The following AGPAT3 variants were observed in gnomAD, a reference collection of about 807,000 sequenced individuals.
AGPAT3 encodes 1-acyl-sn-glycerol-3-phosphate acyltransferase gamma.
In AGPAT3, 5 loss-of-function variants were observed where a neutral mutation model predicts 47.3. The ratio of observed to expected loss-of-function variants is 0.11; its 90% CI spans 0.06 to 0.22. The LOEUF is 0.22. AGPAT3 is among the 10% of genes least tolerant of loss of function. AGPAT3 has a pLI of 1.00. For synonymous variants in AGPAT3, 212 were observed against 208.3 expected (o/e 1.02, Z -0.15); for missense variants, 315 against 493.0 (o/e 0.64, Z 3.42).
intron 2 of AGPAT3, among the ~76,000 whole-genome samples, chr21:43,958,048 C>T (rs1288796865): frequency 2.6e-5 from 4 of 152,234 alleles, no homozygotes; most frequent in Admixed American, 6.5e-5. Context: ...CATTGATTCC[C>T]ACACTGAGGG....
At chr21:43,905,628 CA>C (rs1293725858) in intron 2 of AGPAT3, among the ~76,000 whole-genome samples, 1 of 152,236 alleles carries the variant, frequency 6.6e-6, no homozygotes, top group Non-Finnish European at 1.5e-5. Flanking sequence ...TCTGGATTCA[CA>C]AAAGTTTACT....
In AGPAT3 at chr21:43,970,135, G is replaced by C. The variant is rs1353090096; in HGVS notation, c.511-518G>C. ...GCAGTTCTCCTCTCTCAGCCTCCAA[G>C]TTGCTGGGATTACAGGCACTCACCA... On this transcript the variant is annotated intron_variant, in intron 5 of 9. Transcript: ENST00000291572. This position sits in a 1 kb window ranked among gnomAD's most constrained non-coding sequence, Gnocchi z 5.8. 6.6e-6 allele frequency among the ~76,000 whole-genome samples: 1 copy of C among 151,250 alleles called. No homozygotes were observed. The highest frequency in any genetic ancestry group is 1.5e-5 in the Non-Finnish European group (1 of 67,924).
intron 4 of AGPAT3, 75 bp from the exon 5 acceptor site, chr21:43,969,043 A>T: frequency 1.3e-6 from 2 of 1,499,170 alleles, no homozygotes; most frequent in Non-Finnish European, 1.8e-6. Context: ...AGCTGGGTGC[A>T]GCGGGAGCCT....
chr21:43,884,623 G>A lies in AGPAT3; in HGVS notation c.-112+19278G>A, dbSNP rs545067372. Among the ~76,000 whole-genome samples the A allele has an allele frequency of 2.1e-5, 3 of 143,126 alleles. No homozygotes were observed. The South Asian group carries it at 6.6e-4, about 31-fold the overall frequency. 93.9% of individuals were successfully genotyped at this position (143,126 alleles called of 152,430 possible). A position where few individuals can be genotyped will look rare whatever the true frequency, so the allele number is the denominator to read the frequency against. ...TGGTGCTGAATGCTGGGGTGCCCTG[G>A]TGCTGGACGTTGGGTGCCCAGGCAC... On this transcript the variant is annotated intron_variant, in intron 1 of 9. Coordinates refer to ENST00000291572, the MANE Select transcript of AGPAT3 (RefSeq NM_020132.5).
chr21:43,959,609 G>GCTGTCCCTGTCC lies in AGPAT3; in HGVS notation c.-48-19_-48-8dup, dbSNP rs1346155781. On this transcript the variant is annotated intron_variant, in intron 2 of 9. Transcript: ENST00000291572. ...AGGGTGTGGGCGTGGCCACCCTGACGCTGTCCCTGTCCCTGTCTTTGCAGG... is the reference window on the plus strand; with the variant it reads ...AGGGTGTGGGCGTGGCCACCCTGACGCTGTCCCTGTCCCTGTCCCTGTCCCTGTCTTTGCAGG... The GCTGTCCCTGTCC allele has an allele frequency of 2.5e-6, 4 of 1,597,612 alleles. No homozygotes were observed. In the African/African-American group the frequency reaches 5.3e-5, roughly 21 times the overall value.
chr21:43,960,252 C>T (rs1381727109), intron 3 of AGPAT3, among the ~76,000 whole-genome samples: 1 of 152,228 alleles, frequency 6.6e-6, no homozygotes, highest in Admixed American at 6.5e-5. Flanking sequence ...CAGCATGCAT[C>T]CCTGAAAGAA....
At chr21:43,980,645 C>T (rs1030948085) in intron 8 of AGPAT3, among the ~76,000 whole-genome samples, 3 of 152,268 alleles carry the variant, frequency 2.0e-5, no homozygotes, top group Non-Finnish European at 4.4e-5. Flanking sequence ...ACCCCCACTG[C>T]CTCTGGCTCG....
At chr21:43,979,352 A>C (rs2089758489) in intron 8 of AGPAT3, among the ~76,000 whole-genome samples, 1 of 150,880 alleles carries the variant, frequency 6.6e-6, no homozygotes, top group Admixed American at 6.6e-5. Flanking sequence ...AAAAAGGGAA[A>C]TCTCCAGGAC....
At chr21:43,926,156 G>A (rs914671325) in intron 2 of AGPAT3, among the ~76,000 whole-genome samples, 5 of 152,206 alleles carry the variant, frequency 3.3e-5, no homozygotes, top group African/African-American at 7.2e-5. Context: ...GCCTTCTCCC[G>A]CTGGGTCAGC....
chr21:43,985,383 A>C lies in AGPAT3; in HGVS notation c.*2991A>C. Reference sequence around the variant, plus strand: ...AATAACACAAAACAACAATGTAAGCAGCACTTTCTTGTGTAAAAAAAAAAA... The same window carrying C: ...AATAACACAAAACAACAATGTAAGCCGCACTTTCTTGTGTAAAAAAAAAAA... On this transcript the variant is annotated 3_prime_UTR_variant, in exon 10 of 10. Transcript: ENST00000291572. 3 of 321,556 alleles carry C rather than the reference A, an allele frequency of 9.3e-6. No homozygotes were observed. Among genetic ancestry groups the C allele is most frequent in the Non-Finnish European group, 1.8e-5 (3 of 163,216 alleles). 19.9% of individuals were successfully genotyped at this position (321,556 alleles called of 1,614,324 possible). A position where few individuals can be genotyped will look rare whatever the true frequency, so the allele number is the denominator to read the frequency against.
At chr21:43,964,670 A>G (rs2089038621) in intron 3 of AGPAT3, among the ~76,000 whole-genome samples, 1 of 152,250 alleles carries the variant, frequency 6.6e-6, no homozygotes, top group Admixed American at 6.5e-5. Flanking sequence ...TAAGATCAAT[A>G]TAAAATTCCC....
chr21:43,879,549 G>A (rs925772976), intron 1 of AGPAT3, among the ~76,000 whole-genome samples: 2 of 152,100 alleles, frequency 1.3e-5, no homozygotes, highest in Admixed American at 1.3e-4. Context: ...GGGCTTGGAG[G>A]CTGGGTCGTG....
Position 43,880,178 on chromosome 21 carries a change from G to A in AGPAT3, c.-112+14833G>A, listed in dbSNP as rs2085827366. Among the ~76,000 whole-genome samples the A allele has an allele frequency of 6.6e-6, 1 of 152,198 alleles. No individual in the cohort carries two copies. Among genetic ancestry groups the A allele is most frequent in the Non-Finnish European group, 1.5e-5 (1 of 68,028 alleles). ...CCCATGAAATTGATGTTTGTCTGTGGCCTCCCAGGCTGGTGCTGTGTTCCT... is the reference window on the plus strand; with the variant it reads ...CCCATGAAATTGATGTTTGTCTGTGACCTCCCAGGCTGGTGCTGTGTTCCT... On this transcript the variant is annotated intron_variant, in intron 1 of 9. Transcript: ENST00000291572. The surrounding 1 kb of genome is among the most constrained non-coding windows in gnomAD (Gnocchi z 4.5).
intron 1 of AGPAT3, among the ~76,000 whole-genome samples, chr21:43,870,079 G>C (rs1165828964): frequency 6.6e-6 from 1 of 152,154 alleles, no homozygotes; most frequent in Non-Finnish European, 1.5e-5. Flanking sequence ...CTCATTATGC[G>C]GCACGGGCGG....
At chr21:43,942,965 C>T (rs1238845792) in intron 2 of AGPAT3, among the ~76,000 whole-genome samples, 2 of 152,244 alleles carry the variant, frequency 1.3e-5, no homozygotes, top group Non-Finnish European at 2.9e-5. Context: ...GAAGACAGGC[C>T]TCGGAGCCTT....
chr21:43,956,290 G>A (rs1315792072), intron 2 of AGPAT3, among the ~76,000 whole-genome samples: 1 of 152,238 alleles, frequency 6.6e-6, no homozygotes, highest in Non-Finnish European at 1.5e-5. Flanking sequence ...GGGGGCTGCA[G>A]TGTGTCTGGG....
At chr21:43,903,070 C>T (rs2086396229) in intron 1 of AGPAT3, among the ~76,000 whole-genome samples, 1 of 152,172 alleles carries the variant, frequency 6.6e-6, no homozygotes, top group South Asian at 2.1e-4. Context: ...GGAATATTAT[C>T]CAGCCTGAAA....
chr21:43,898,295 T>A (rs2086275001), intron 1 of AGPAT3, among the ~76,000 whole-genome samples: 1 of 152,230 alleles, frequency 6.6e-6, no homozygotes, highest in Non-Finnish European at 1.5e-5. Flanking sequence ...ATGTTTTCCT[T>A]TCCTTCTCCT....
intron 2 of AGPAT3, among the ~76,000 whole-genome samples, chr21:43,926,978 CAAAAAAAAAAAA>C (rs905520861): frequency 1.8e-5 from 1 of 54,496 alleles, no homozygotes; most frequent in Non-Finnish European, 3.9e-5. Flanking sequence ...GACTCTGTCT[CAAAAAAAAAAAA>C]AAAAAAAAAA....
Sources: allele counts gnomAD v4.1 joint callset (sites outside exome capture counted in the v4.1 genomes callset), GRCh38; gene constraint gnomAD v4.1.1; non-coding constraint Gnocchi (gnomAD v3.1); transcripts MANE v1.5; gene names NCBI Gene and HGNC (gene_info 2026-07-23, HGNC 2026-07-21).